FAM171A1: variants seen among roughly 807,000 people sequenced by gnomAD.
FAM171A1 encodes the protein family with sequence similarity 171 member A1, also known as protein FAM171A1.
In FAM171A1, 23 loss-of-function variants were observed where a neutral mutation model predicts 74.9. The ratio of observed to expected loss-of-function variants is 0.31; its 90% CI spans 0.22 to 0.44. The LOEUF is 0.44. Ranked by LOEUF, FAM171A1 falls within the 20% of genes least tolerant of loss-of-function variation. FAM171A1 has a pLI of 1.00. For synonymous variants in FAM171A1, 527 were observed against 505.7 expected, an observed-to-expected ratio of 1.04 and a Z score of -0.57; for missense variants, 1,162 against 1,159.2, an observed-to-expected ratio of 1.00 and a Z score of -0.03.
intron 5 of FAM171A1, among the ~76,000 whole-genome samples, chr10:15,234,476 G>T (rs1411529237): frequency 4.6e-5 from 7 of 152,114 alleles, no homozygotes; most frequent in Non-Finnish European, 1.5e-5. Flanking sequence ...ACTGGCAGAG[G>T]CTACAGCAAG....
chr10:15,264,621 C>CA (rs138066525), intron 3 of FAM171A1, among the ~76,000 whole-genome samples: 18,897 of 138,442 alleles, frequency 0.14, 1,441 homozygotes, highest in African/African-American at 0.22. Context: ...CCTGTTTCTA[C>CA]AAAAAAAAAA....
At chr10:15,234,383 C>T (rs577897047) in intron 5 of FAM171A1, among the ~76,000 whole-genome samples, 3 of 152,254 alleles carry the variant, frequency 2.0e-5, no homozygotes, top group East Asian at 3.9e-4. Context: ...AGGTTCTTGG[C>T]GTTTTGAACA....
chr10:15,369,209 A>G (rs2131896876), intron 1 of FAM171A1, among the ~76,000 whole-genome samples: 1 of 148,100 alleles, frequency 6.8e-6, no homozygotes, highest in African/African-American at 2.5e-5. Context: ...TTATATATAT[A>G]TTGAATATAT....
chr10:15,246,871 G>T (rs1373187344), intron 5 of FAM171A1, among the ~76,000 whole-genome samples: 4 of 152,212 alleles, frequency 2.6e-5, no homozygotes, highest in Admixed American at 2.6e-4. Context: ...GAAGCAAAGG[G>T]GGGTAAGAGG....
intron 5 of FAM171A1, among the ~76,000 whole-genome samples, chr10:15,244,092 G>A (rs893685684): frequency 6.6e-6 from 1 of 152,194 alleles, no homozygotes; most frequent in Non-Finnish European, 1.5e-5. Context: ...GGTAGCTCAC[G>A]CCTGTCATCC....
At chr10:15,286,805 G>T (rs1835040210) in intron 1 of FAM171A1, among the ~76,000 whole-genome samples, 1 of 152,080 alleles carries the variant, frequency 6.6e-6, no homozygotes, top group Non-Finnish European at 1.5e-5. Context: ...GATAACCATA[G>T]ACAAGAGCTA....
At chr10:15,312,158 T>C (rs1835366627) in intron 1 of FAM171A1, among the ~76,000 whole-genome samples, 5 of 152,186 alleles carry the variant, frequency 3.3e-5, no homozygotes. Flanking sequence ...GGCATGGCCT[T>C]TTGAATCGGA....
At chr10:15,369,688 C>A (rs1207454410) in intron 1 of FAM171A1, among the ~76,000 whole-genome samples, 1 of 152,216 alleles carries the variant, frequency 6.6e-6, no homozygotes, top group Non-Finnish European at 1.5e-5. Context: ...GTTGGCAGAG[C>A]CTTTCCTCCC....
intron 1 of FAM171A1, among the ~76,000 whole-genome samples, chr10:15,309,402 C>T (rs190980064): frequency 4.6e-5 from 7 of 152,264 alleles, no homozygotes; most frequent in Admixed American, 1.3e-4. Flanking sequence ...GAGATGGGGT[C>T]TCACTATGTT....
In FAM171A1 at chr10:15,248,629, T is replaced by C. The variant is rs1364012131; in HGVS notation, c.754+10A>G. The C allele has an allele frequency of 4.4e-6, 7 of 1,594,534 alleles. 1 individual carries two copies. In the South Asian group the frequency reaches 4.5e-5, roughly 10 times the overall value. ...TGGTAGCCGATTGTCGGCACAGAAC[T>C]CTTGCTTACCCAGCTTCTGGTCAAA... On this transcript the variant is annotated intron_variant, in intron 5 of 7. Coordinates refer to ENST00000378116, the MANE Select transcript of FAM171A1 (RefSeq NM_001010924.2).
intron 5 of FAM171A1, among the ~76,000 whole-genome samples, chr10:15,234,408 A>C (rs759188437): frequency 5.3e-5 from 8 of 152,212 alleles, no homozygotes; most frequent in Non-Finnish European, 1.2e-4. Context: ...ATTGGACAAA[A>C]CGCACAAGCA....
chr10:15,268,266 C>A (rs17156496), intron 3 of FAM171A1, among the ~76,000 whole-genome samples: 18,946 of 152,030 alleles, frequency 0.12, 1,459 homozygotes, highest in African/African-American at 0.21. Flanking sequence ...GTCACCCTCA[C>A]TTTGTAAACA....
At chr10:15,264,247 G>A (rs1004392171) in intron 3 of FAM171A1, among the ~76,000 whole-genome samples, 3 of 152,096 alleles carry the variant, frequency 2.0e-5, no homozygotes, top group African/African-American at 7.2e-5. Context: ...CTCCTAAAGC[G>A]CTGGGATTAC....
intron 1 of FAM171A1, among the ~76,000 whole-genome samples, chr10:15,296,919 G>C (rs1955341): frequency 5.5e-4 from 83 of 152,034 alleles, no homozygotes; most frequent in Non-Finnish European, 1.0e-4. Context: ...GTTAAACCTC[G>C]TGAAAAGGCA....
intron 1 of FAM171A1, among the ~76,000 whole-genome samples, chr10:15,322,103 C>G (rs1221253287): frequency 6.6e-6 from 1 of 152,208 alleles, no homozygotes; most frequent in Non-Finnish European, 1.5e-5. Context: ...CCGATACAAG[C>G]ATGGGTTATT....
intron 1 of FAM171A1, among the ~76,000 whole-genome samples, chr10:15,331,862 T>TAC (rs1483625177): frequency 0.014 from 1,393 of 99,226 alleles, 55 homozygotes; most frequent in African/African-American, 0.063. Flanking sequence ...TATGTGTGTA[T>TAC]ATATATGTGT....
chr10:15,362,268 T>C (rs1291421973), intron 1 of FAM171A1, among the ~76,000 whole-genome samples: 2 of 152,232 alleles, frequency 1.3e-5, no homozygotes, highest in Non-Finnish European at 1.5e-5. Context: ...GGCTGTGCTG[T>C]AGCTACTTTA....
intron 1 of FAM171A1, among the ~76,000 whole-genome samples, chr10:15,284,396 T>C (rs555180096): frequency 2.0e-5 from 3 of 150,284 alleles, no homozygotes; most frequent in Non-Finnish European, 4.4e-5. Context: ...TTTTAAACAT[T>C]GGGCAACCAA....
In FAM171A1 at chr10:15,212,645, T is replaced by A. The variant is rs1833904376; in HGVS notation, c.*270A>T. 2.0e-6 allele frequency: 1 copy of A among 501,542 alleles called. No individual in the cohort carries two copies. The highest frequency in any genetic ancestry group is 2.0e-5 in the African/African-American group (1 of 51,238). The allele number at this position is 501,542 out of a possible 1,614,324, so 31.1% of individuals were successfully genotyped here. A position where few individuals can be genotyped will look rare whatever the true frequency, so the allele number is the denominator to read the frequency against. ...ACGTGCGGTTTCTTAATGTCCCTGG[T>A]GGCGGATACGCCGAGTCCTCGGAAG... On this transcript the variant is annotated 3_prime_UTR_variant, in exon 8 of 8. Coordinates refer to ENST00000378116, the MANE Select transcript of FAM171A1 (RefSeq NM_001010924.2).
Sources: gnomAD v4.1 joint callset for allele counts (sites outside exome capture counted in the v4.1 genomes callset) on GRCh38, gnomAD v4.1.1 for gene constraint, MANE v1.5 for transcripts, NCBI Gene and HGNC (gene_info 2026-07-23, HGNC 2026-07-21) for gene names.